RARB: variants seen among roughly 807,000 people sequenced by gnomAD.
The protein encoded by RARB is HBV-activated protein.
Under a neutral mutation model 51.9 loss-of-function variants are expected in RARB, and 17 were observed. The observed-to-expected ratio is 0.33, with a 90% CI of 0.22 to 0.49. The LOEUF (loss-of-function observed/expected upper bound fraction) is 0.49. RARB is among the 20% of genes least tolerant of loss of function. RARB has a pLI of 0.99. For missense variants in RARB, 369 were observed against 550.8 expected (o/e 0.67, Z 3.30); for synonymous variants, 215 against 195.4 (o/e 1.10, Z -0.84).
chr3:25,069,759 C>T (rs1490714871), intron 3 of RARB, among the ~76,000 whole-genome samples: 1 of 152,108 alleles, frequency 6.6e-6, no homozygotes, highest in African/African-American at 2.4e-5. Flanking sequence ...CTGGGACAGT[C>T]GACTCTGTCT....
chr3:25,310,476 G>A (rs547919837), intron 5 of RARB, among the ~76,000 whole-genome samples: 1 of 152,178 alleles, frequency 6.6e-6, no homozygotes, highest in Non-Finnish European at 1.5e-5. Flanking sequence ...TGTGGAAATA[G>A]GGGGTTTGGA....
chr3:25,584,219 G>A (rs959172236), intron 5 of RARB, among the ~76,000 whole-genome samples: 82 of 152,054 alleles, frequency 5.4e-4, no homozygotes, highest in Middle Eastern at 3.4e-3. Flanking sequence ...TGTGTGCCGC[G>A]CACTATTCTA....
At chr3:25,399,021 G>A (rs532388786) in intron 5 of RARB, among the ~76,000 whole-genome samples, 14 of 148,842 alleles carry the variant, frequency 9.4e-5, no homozygotes, top group African/African-American at 3.5e-4. Flanking sequence ...AGCAATATGT[G>A]GCCCTCTTCT....
chr3:24,979,890 A>G (rs1300546867), intron 2 of RARB, among the ~76,000 whole-genome samples: 5 of 152,136 alleles, frequency 3.3e-5, no homozygotes, highest in Non-Finnish European at 7.3e-5. Context: ...ACAATTTGGC[A>G]TGTTTTTGCA....
intron 2 of RARB, among the ~76,000 whole-genome samples, chr3:25,038,913 A>G (rs896328853): frequency 6.6e-6 from 1 of 152,206 alleles, no homozygotes; most frequent in Non-Finnish European, 1.5e-5. Flanking sequence ...AGACCATGGT[A>G]TGAAATGTGT....
In RARB at chr3:25,520,922, C is replaced by G. The variant is rs145276341; in HGVS notation, c.448+19599C>G. The stretch of plus-strand genomic sequence containing the variant: ...GATGGACTTCAAGCAAGAACAGTAA[C>G]TGCCTCTGTTTTGTCAGCTGTAGCA... On this transcript the variant is annotated intron_variant, in intron 3 of 7. Transcript: ENST00000330688. Among the ~76,000 whole-genome samples the G allele has an allele frequency of 1.9e-3, 282 of 152,354 alleles. 4 individuals are homozygous for G. The highest frequency in any genetic ancestry group is 0.017 in the Admixed American group (258 of 15,306).
chr3:25,565,036 A>T (rs952346661), intron 3 of RARB, among the ~76,000 whole-genome samples: 1 of 152,118 alleles, frequency 6.6e-6, no homozygotes, highest in Non-Finnish European at 1.5e-5. Flanking sequence ...CCCCAGCGTT[A>T]GCTTCCTAAT....
Position 25,596,614 on chromosome 3 carries a change from T to C in RARB, c.1345T>C (p.Ter449GlnextTer4), listed in dbSNP as rs763392033. Reference protein sequence around the residue: ...SGVSQSPLVQ* With the variant: ...SGVSQSPLVQQ ...GGTCAGTCAGTCACCACTCGTGCAA[T>C]AAGACATTTTCTAGCTACTTCAAAC... The change falls in exon 8 of 8, where the codon TAA becomes CAA. Residue 449 changes from the stop codon to glutamine (Q), a stop_lost. Coordinates refer to ENST00000330688, the MANE Select transcript of RARB (RefSeq NM_000965.5). 1 of 1,582,662 alleles carries C rather than the reference T, an allele frequency of 6.3e-7. No homozygotes were observed.
At chr3:25,559,687 G>C (rs528233036) in intron 3 of RARB, among the ~76,000 whole-genome samples, 1 of 152,136 alleles carries the variant, frequency 6.6e-6, no homozygotes, top group South Asian at 2.1e-4. Flanking sequence ...TGGTTGGATC[G>C]ATGGATGGAT....
At chr3:25,025,625 G>T (rs1697730785) in intron 2 of RARB, among the ~76,000 whole-genome samples, 1 of 152,134 alleles carries the variant, frequency 6.6e-6, no homozygotes, top group Admixed American at 6.5e-5. Flanking sequence ...CCTACCTAGG[G>T]AATAGGGACA....
chr3:25,265,730 C>A (rs1409742698), intron 5 of RARB, among the ~76,000 whole-genome samples: 4 of 152,154 alleles, frequency 2.6e-5, no homozygotes, highest in African/African-American at 9.7e-5. Flanking sequence ...CCTCCGCCTC[C>A]CAAAGTGCTA....
At chr3:25,343,417 C>G (rs1169826112) in intron 5 of RARB, among the ~76,000 whole-genome samples, 1 of 151,496 alleles carries the variant, frequency 6.6e-6, no homozygotes, top group Non-Finnish European at 1.5e-5. Context: ...TAATTGAAGT[C>G]TGGAGGAGAT....
At chr3:25,172,331 T>A (rs1700661458) in intron 4 of RARB, among the ~76,000 whole-genome samples, 1 of 152,120 alleles carries the variant, frequency 6.6e-6, no homozygotes, top group Admixed American at 6.5e-5. Context: ...TGATTCAAAT[T>A]CTGGCTTAGC....
chr3:25,428,149 A>G (rs1029019140), upstream of RARB: 7 of 1,031,726 alleles, frequency 6.8e-6, no homozygotes, highest in African/African-American at 1.2e-4. Context: ...GCTCTGTGAG[A>G]ATCCTGGGAG....
intron 3 of RARB, among the ~76,000 whole-genome samples, chr3:25,125,099 A>C (rs1318760119): frequency 6.6e-6 from 1 of 152,212 alleles, no homozygotes; most frequent in Non-Finnish European, 1.5e-5. Context: ...GCTTAGATTT[A>C]AAGTGGGAGG....
chr3:24,865,934 T>G (rs575594939), intron 2 of RARB, among the ~76,000 whole-genome samples: 1 of 152,220 alleles, frequency 6.6e-6, no homozygotes, highest in South Asian at 2.1e-4. Flanking sequence ...TATAACGACA[T>G]TTGGCCTGAA....
At chr3:25,308,205 A>C (rs1366978052) in intron 5 of RARB, among the ~76,000 whole-genome samples, 1 of 152,218 alleles carries the variant, frequency 6.6e-6, no homozygotes, top group Non-Finnish European at 1.5e-5. Context: ...TTTGATTATC[A>C]CAATAATCTT....
intron 3 of RARB, among the ~76,000 whole-genome samples, chr3:25,125,981 A>T (rs910798423): frequency 3.9e-5 from 6 of 152,176 alleles, no homozygotes; most frequent in Non-Finnish European, 8.8e-5. Context: ...CTTCACAGTG[A>T]GGTTCCCCTG....
chr3:25,105,882 AG>A (rs1239073995), intron 3 of RARB, among the ~76,000 whole-genome samples: 2 of 152,234 alleles, frequency 1.3e-5, no homozygotes, highest in African/African-American at 4.8e-5. Flanking sequence ...AGGAAAATTA[AG>A]GCATGTATTT....
Sources: allele counts gnomAD v4.1 joint callset (sites outside exome capture counted in the v4.1 genomes callset), GRCh38; gene constraint gnomAD v4.1.1; transcripts MANE v1.5; gene names NCBI Gene and HGNC (gene_info 2026-07-23, HGNC 2026-07-21).